Variants in ANKRD18B observed in about 807,000 individuals in gnomAD.
ANKRD18B encodes ankyrin repeat domain 18B, also known as ankyrin repeat domain-containing protein 18B.
ANKRD18B carries 75 observed loss-of-function variants against 111.8 expected under a neutral mutation model. The observed-to-expected ratio is 0.67, with a 90% confidence interval of 0.56 to 0.81. The LOEUF is 0.81. Among genes scored for constraint, ANKRD18B ranks in the 40% least tolerant of loss-of-function variants. The pLI, the probability that ANKRD18B is intolerant of heterozygous loss-of-function variation, is 0.00. For missense variants in ANKRD18B, 1,038 were observed against 1,225.5 expected (o/e 0.85, Z 2.28); for synonymous variants, 356 against 417.3 (o/e 0.85, Z 1.79).
At chr9:33,528,636 A>C in intron 1 of ANKRD18B, 91 bp from the exon 2 acceptor site, 2 of 1,041,818 alleles carry the variant, frequency 1.9e-6, no homozygotes, top group Non-Finnish European at 2.7e-6. Flanking sequence ...AGGCAGAGGA[A>C]TAATGCCATT....
At chr9:33,535,392 T>C (rs1244680620) in intron 5 of ANKRD18B, among the ~76,000 whole-genome samples, 1 of 152,042 alleles carries the variant, frequency 6.6e-6, no homozygotes, top group African/African-American at 2.4e-5. Context: ...TTCACGCTAT[T>C]CTCCTGCCTC....
At chr9:33,535,520 C>A (rs1828184665) in intron 5 of ANKRD18B, among the ~76,000 whole-genome samples, 1 of 151,682 alleles carries the variant, frequency 6.6e-6, no homozygotes, top group Non-Finnish European at 1.5e-5. Flanking sequence ...ATCTCCTGAC[C>A]TTGTGATCCA....
intron 14 of ANKRD18B, among the ~76,000 whole-genome samples, chr9:33,559,401 T>C (rs773171454): frequency 7.9e-5 from 12 of 152,122 alleles, no homozygotes; most frequent in South Asian, 2.1e-4. Flanking sequence ...TAAAATACTT[T>C]GATTTTTTTC....
chr9:33,528,552 T>C (rs942414970), intron 1 of ANKRD18B, 175 bp from the exon 2 acceptor site: 29 of 517,742 alleles, frequency 5.6e-5, no homozygotes, highest in Non-Finnish European at 9.2e-5. Flanking sequence ...AATAGGCTGC[T>C]GTTTCATTAA....
intron 12 of ANKRD18B, among the ~76,000 whole-genome samples, chr9:33,552,682 C>T (rs1338688135): frequency 2.0e-5 from 3 of 152,114 alleles, no homozygotes; most frequent in Admixed American, 1.3e-4. Flanking sequence ...TGATTCAGTG[C>T]ATCTATAGGA....
At chr9:33,563,123 T>A (rs1828631350) in intron 14 of ANKRD18B, among the ~76,000 whole-genome samples, 1 of 152,238 alleles carries the variant, frequency 6.6e-6, no homozygotes, top group African/African-American at 2.4e-5. Context: ...TTCTCAATAA[T>A]GTTTGTCATC....
chr9:33,528,694 T>C, intron 1 of ANKRD18B, 33 bp from the exon 2 acceptor site: 1 of 1,528,374 alleles, frequency 6.5e-7, no homozygotes, highest in South Asian at 1.2e-5. Flanking sequence ...GATATTGCAC[T>C]ACATTTCCTG....
Position 33,561,815 on chromosome 9 carries a change from G to A in ANKRD18B, c.2460+3628G>A, listed in dbSNP as rs1332055672. ...TTGTTAACCTTGTATAAAATCAATT[G>A]ACTGTAAATGTGCAGGCTTATTTTT... On this transcript the variant is annotated intron_variant, in intron 14 of 18. Transcript: ENST00000684830. 2.0e-5 allele frequency among the ~76,000 whole-genome samples: 3 copies of A among 151,984 alleles called. No homozygotes were observed. The East Asian group carries it at 5.8e-4, about 29-fold the overall frequency.
In ANKRD18B at chr9:33,568,921, G is replaced by A. The variant is rs1177400833; in HGVS notation, c.3177+28G>A. On this transcript the variant is annotated intron_variant, in intron 17 of 18. Coordinates refer to ENST00000684830, the MANE Select transcript of ANKRD18B (RefSeq NM_001393611.1). ...TAGTTATATGACCATTTCTCTTTTG[G>A]GTTTCATTTCTCTAATATAATTCTT... 3 of 1,490,290 alleles carry A rather than the reference G, an allele frequency of 2.0e-6. No homozygotes were observed. In the African/African-American group the frequency reaches 4.3e-5, roughly 21 times the overall value. The allele number at this position is 1,490,290 out of a possible 1,614,324, so 92.3% of individuals were successfully genotyped here.
chr9:33,560,347 C>T (rs1320253960), intron 14 of ANKRD18B, among the ~76,000 whole-genome samples: 17 of 152,222 alleles, frequency 1.1e-4, no homozygotes, highest in Non-Finnish European at 4.4e-5. Flanking sequence ...GGCATGAATT[C>T]CTGGTGGCTC....
chr9:33,554,662 T>G (rs1028999230), intron 12 of ANKRD18B, among the ~76,000 whole-genome samples: 1 of 151,866 alleles, frequency 6.6e-6, no homozygotes, highest in African/African-American at 2.4e-5. Flanking sequence ...ATTAGCTGGG[T>G]GAGGTGGTGT....
At chr9:33,531,187 A>G (rs1443950080) in intron 3 of ANKRD18B, among the ~76,000 whole-genome samples, 1 of 152,226 alleles carries the variant, frequency 6.6e-6, no homozygotes, top group African/African-American at 2.4e-5. Context: ...GGAAAATTAT[A>G]TACACATAGA....
At position 33,524,700 on chromosome 9, in the gene ANKRD18B, C is replaced by A. The variant is rs542835592; in HGVS notation, c.206+5C>A. On this transcript the variant is annotated splice_donor_5th_base_variant and intron_variant, in intron 1 of 18. Transcript: ENST00000684830. Reference sequence around the variant, plus strand: ...CGTCCGCGACAGAAAAGACAGGTAGCGGGGGCTCAGCCCTCGGTGGGAGGG... The same window carrying A: ...CGTCCGCGACAGAAAAGACAGGTAGAGGGGGCTCAGCCCTCGGTGGGAGGG... 1.2e-3 allele frequency: 1,920 copies of A among 1,548,556 alleles called. 25 individuals carry two copies. The African/African-American group carries it at 0.024, about 19-fold the overall frequency.
intron 3 of ANKRD18B, among the ~76,000 whole-genome samples, chr9:33,532,216 AG>A (rs538770438): frequency 3.9e-5 from 6 of 152,212 alleles, no homozygotes; most frequent in African/African-American, 1.4e-4. Flanking sequence ...CCTGGGCGAC[AG>A]TGTGAGACCC....
downstream of ANKRD18B, chr9:33,573,225 C>A: frequency 1.0e-6 from 1 of 985,374 alleles, no homozygotes; most frequent in Non-Finnish European, 1.2e-6. Flanking sequence ...GAAGCACAGG[C>A]GAGCTCTTCC....
At position 33,572,349 on chromosome 9, in the gene ANKRD18B, T is replaced by G; in HGVS notation, c.3257T>G (p.Leu1086Arg). The G allele has an allele frequency of 6.2e-7, 1 of 1,610,702 alleles. No homozygotes were observed. Among genetic ancestry groups the G allele is most frequent in the Non-Finnish European group, 8.5e-7 (1 of 1,178,042 alleles). ...FAALGPCSYL[L>R]SSLESTGKPH... ...GCGTTGGGCCCTTGCTCCTATCTAC[T>G]TTCTTCTCTAGAATCCACTGGTAAG... The change falls in exon 19 of 19, where the codon CTT becomes CGT. Residue 1086 changes from leucine (L) to arginine (R), a missense_variant. Coordinates refer to ENST00000684830, the MANE Select transcript of ANKRD18B (RefSeq NM_001393611.1).
Position 33,524,481 on chromosome 9 carries a change from G to A in ANKRD18B, c.-9G>A, listed in dbSNP as rs1256746402. ...GGAGCGGGTGGTGGGCATCTGAGAA[G>A]TCGCCACCATGAGGAAGCTCCTCAG... is the stretch of plus-strand genomic sequence containing the variant. On this transcript the variant is annotated 5_prime_UTR_variant, in exon 1 of 19. Transcript: ENST00000684830. 6.5e-7 allele frequency: 1 copy of A among 1,542,778 alleles called. No individual in the cohort carries two copies. The highest frequency in any genetic ancestry group is 8.7e-7 in the Non-Finnish European group (1 of 1,143,174).
rs2477412 is a variant in ANKRD18B, at chr9:33,552,879, C to T, written c.2217+2300C>T. ...ACCACATACTCTTCTAAGTGCTTCA[C>T]GTCAGTCCCTGGTTTAATCTTCCCA... On this transcript the variant is annotated intron_variant, in intron 12 of 18. Coordinates refer to ENST00000684830, the MANE Select transcript of ANKRD18B (RefSeq NM_001393611.1). 1.2e-4 allele frequency among the ~76,000 whole-genome samples: 19 copies of T among 152,284 alleles called. No individual in the cohort carries two copies. In the South Asian group the frequency reaches 3.3e-3, roughly 27 times the overall value.
chr9:33,543,079 A>T (rs939794118), intron 9 of ANKRD18B, 106 bp from the exon 10 acceptor site: 20 of 1,074,360 alleles, frequency 1.9e-5, no homozygotes, highest in African/African-American at 1.8e-4. Context: ...CTTCATTTAA[A>T]TTCTCAATTT....
Sources: allele counts gnomAD v4.1 joint callset (sites outside exome capture counted in the v4.1 genomes callset), GRCh38; gene constraint gnomAD v4.1.1; transcripts MANE v1.5; gene names NCBI Gene and HGNC (gene_info 2026-07-23, HGNC 2026-07-21).